Variants in NTF3 observed in about 807,000 individuals in gnomAD.
The protein encoded by NTF3 is neurotrophin-3.
A neutral mutation model predicts 26.3 loss-of-function variants in NTF3; 8 were observed. That is an observed-to-expected ratio of 0.30 (90% CI 0.18 to 0.55). The LOEUF (loss-of-function observed/expected upper bound fraction) is 0.55. NTF3 is among the 20% of genes least tolerant of loss of function. The pLI is 0.93. For synonymous variants in NTF3, 154 were observed against 145.5 expected, an observed-to-expected ratio of 1.06 and a Z score of -0.42; for missense variants, 276 against 352.9, an observed-to-expected ratio of 0.78 and a Z score of 1.75.
intron 1 of NTF3, among the ~76,000 whole-genome samples, chr12:5,441,471 G>C (rs553350038): frequency 0.09 from 13,704 of 152,194 alleles, 653 homozygotes; most frequent in South Asian, 0.12. Flanking sequence ...TAAAATCATT[G>C]CTTAACCTGG....
chr12:5,446,379 G>T (rs1316605976), intron 1 of NTF3, among the ~76,000 whole-genome samples: 1 of 152,146 alleles, frequency 6.6e-6, no homozygotes, highest in Admixed American at 6.5e-5. Flanking sequence ...CTCCTCTAGG[G>T]TTAGCTATGA....
At chr12:5,431,830 A>C (rs1056561127), upstream of NTF3, among the ~76,000 whole-genome samples, 1 of 152,108 alleles carries the variant, frequency 6.6e-6, no homozygotes, top group Non-Finnish European at 1.5e-5. Flanking sequence ...AAGGGAACTC[A>C]AGGGTGGGGG....
rs369562994 is a variant in NTF3, at chr12:5,437,995, T to C, written c.18+5653T>C. 2.4e-4 allele frequency among the ~76,000 whole-genome samples: 36 copies of C among 152,254 alleles called. No homozygotes were observed. In the East Asian group the frequency reaches 6.2e-3, roughly 26 times the overall value. ...TGGATGCTTGGCTCAGATTGGATTG[T>C]CATTGGATTGCTTCTTACAGGTGGG... On this transcript the variant is annotated intron_variant, in intron 1 of 1. Transcript: ENST00000423158.
At chr12:5,439,675 C>T (rs1473367922) in intron 1 of NTF3, among the ~76,000 whole-genome samples, 1 of 152,200 alleles carries the variant, frequency 6.6e-6, no homozygotes, top group Non-Finnish European at 1.5e-5. Flanking sequence ...ACAATTGCCT[C>T]CTTGTAAACT....
intron 1 of NTF3, among the ~76,000 whole-genome samples, chr12:5,447,610 T>C (rs1325447224): frequency 6.6e-6 from 1 of 152,192 alleles, no homozygotes; most frequent in African/African-American, 2.4e-5. Context: ...CTTAACACAA[T>C]GTGGGGTTTC....
At chr12:5,444,344 T>G (rs945097231) in intron 1 of NTF3, among the ~76,000 whole-genome samples, 9 of 152,096 alleles carry the variant, frequency 5.9e-5, no homozygotes, top group Middle Eastern at 3.2e-3. Context: ...GGGGCAGAGA[T>G]AAAAGGGAGA....
chr12:5,448,843 A>G (rs527970924), intron 1 of NTF3, among the ~76,000 whole-genome samples: 1 of 152,354 alleles, frequency 6.6e-6, no homozygotes, highest in East Asian at 1.9e-4. Flanking sequence ...TGCTTCATTT[A>G]TCTAATGTGA....
intron 1 of NTF3, among the ~76,000 whole-genome samples, chr12:5,477,872 T>G (rs1030096646): frequency 1.3e-5 from 2 of 152,216 alleles, no homozygotes; most frequent in Non-Finnish European, 2.9e-5. Flanking sequence ...TCTTTTCTTA[T>G]TCCAGATTTC....
chr12:5,454,388 G>T (rs1470377279), intron 1 of NTF3, among the ~76,000 whole-genome samples: 1 of 152,064 alleles, frequency 6.6e-6, no homozygotes, highest in African/African-American at 2.4e-5. Flanking sequence ...TTTTAACTTG[G>T]TTACCTCTGT....
At chr12:5,443,623 A>C (rs1428781863) in intron 1 of NTF3, among the ~76,000 whole-genome samples, 1 of 152,188 alleles carries the variant, frequency 6.6e-6, no homozygotes, top group African/African-American at 2.4e-5. Context: ...TCATAGCTCA[A>C]ATCTAAGATT....
intron 1 of NTF3, among the ~76,000 whole-genome samples, chr12:5,434,491 G>GTGTA (rs1157746070): frequency 1.3e-5 from 2 of 151,678 alleles, no homozygotes; most frequent in Non-Finnish European, 2.9e-5. Flanking sequence ...GTGTGTGTGT[G>GTGTA]TGTGTGTGTG....
chr12:5,483,199 ATCTC>A (rs144003087), intron 1 of NTF3, among the ~76,000 whole-genome samples: 8 of 134,336 alleles, frequency 6.0e-5, no homozygotes, highest in Non-Finnish European at 9.8e-5. Flanking sequence ...CTCTCTTTCT[ATCTC>A]TCTCTCTCTC....
intron 1 of NTF3, among the ~76,000 whole-genome samples, chr12:5,489,117 T>G (rs1176148554): frequency 6.6e-6 from 1 of 152,196 alleles, no homozygotes; most frequent in Non-Finnish European, 1.5e-5. Flanking sequence ...ACAGGTGACC[T>G]GCAGATGGGC....
chr12:5,442,875 A>G (rs1341643579), intron 1 of NTF3, among the ~76,000 whole-genome samples: 1 of 152,210 alleles, frequency 6.6e-6, no homozygotes, highest in African/African-American at 2.4e-5. Flanking sequence ...GATACAAAGC[A>G]AGGCCTTACC....
At chr12:5,474,643 G>A (rs753032738) in intron 1 of NTF3, among the ~76,000 whole-genome samples, 16 of 152,180 alleles carry the variant, frequency 1.1e-4, no homozygotes, top group Non-Finnish European at 1.9e-4. Flanking sequence ...TTCTCCAGCT[G>A]AGGAATGACC....
At chr12:5,486,964 G>A (rs984383713) in intron 1 of NTF3, among the ~76,000 whole-genome samples, 1 of 151,608 alleles carries the variant, frequency 6.6e-6, no homozygotes, top group Non-Finnish European at 1.5e-5. Flanking sequence ...CACAGTGGTG[G>A]ATGAGTGTGA....
At chr12:5,440,577 T>C (rs949938761) in intron 1 of NTF3, among the ~76,000 whole-genome samples, 1 of 152,222 alleles carries the variant, frequency 6.6e-6, no homozygotes, top group Non-Finnish European at 1.5e-5. Flanking sequence ...AATCACCTGC[T>C]TTCCCAACAG....
chr12:5,446,232 C>T (rs2121158392), intron 1 of NTF3, among the ~76,000 whole-genome samples: 1 of 152,302 alleles, frequency 6.6e-6, no homozygotes, highest in Non-Finnish European at 1.5e-5. Flanking sequence ...CACAACAACT[C>T]ACAGAGGCAG....
At chr12:5,455,293 G>A (rs371223687) in intron 1 of NTF3, among the ~76,000 whole-genome samples, 3 of 152,184 alleles carry the variant, frequency 2.0e-5, no homozygotes, top group Non-Finnish European at 4.4e-5. Context: ...ATTCTTTGAC[G>A]ATGGCATACA....
Sources: allele counts gnomAD v4.1 joint callset (sites outside exome capture counted in the v4.1 genomes callset), GRCh38; gene constraint gnomAD v4.1.1; transcripts MANE v1.5; gene names NCBI Gene and HGNC (gene_info 2026-07-23, HGNC 2026-07-21).